CD302: variants seen among roughly 807,000 people sequenced by gnomAD.
The protein encoded by CD302 is CD302 molecule, also known as CD302 antigen.
In CD302, 23 loss-of-function variants were observed where a neutral mutation model predicts 26.5. The ratio of observed to expected loss-of-function variants is 0.87; its 90% CI spans 0.62 to 1.23. The LOEUF (loss-of-function observed/expected upper bound fraction) is 1.23. Among genes scored for constraint, CD302 ranks in the 50% most tolerant of loss-of-function variants. The pLI is 0.00. For missense variants in CD302, 290 were observed against 275.5 expected, an observed-to-expected ratio of 1.05 and a Z score of -0.37; for synonymous variants, 90 against 99.4, an observed-to-expected ratio of 0.91 and a Z score of 0.56.
At position 159,780,930 on chromosome 2, in the gene CD302, AT is replaced by A; in HGVS notation, c.246del (p.Gln82HisfsTer10). The A allele has an allele frequency of 6.2e-7, 1 of 1,613,734 alleles. No individual in the cohort carries two copies. The highest frequency in any genetic ancestry group is 8.5e-7 in the Non-Finnish European group (1 of 1,179,932). On this transcript the variant is annotated frameshift_variant, in exon 3 of 6. Transcript: ENST00000259053. LOFTEE classifies it high-confidence loss of function. ...AGTAGGATATCATCTGGGCCTTTCC[AT>A]TGCTTTTTCAAAGTATCCAGTATAA... ...NAFILDTLKK[Q>X]WKGPDDILLG... is the part of the protein sequence containing the mutation.
Position 159,780,825 on chromosome 2 carries a change from T to G in CD302, c.295+57A>C, listed in dbSNP as rs577325828. The G allele has an allele frequency of 3.3e-6, 5 of 1,493,948 alleles. No individual in the cohort carries two copies. The African/African-American group carries it at 7.0e-5, about 21-fold the overall frequency. 92.5% of individuals were successfully genotyped at this position (1,493,948 alleles called of 1,614,324 possible). On this transcript the variant is annotated intron_variant, in intron 3 of 5. Coordinates refer to ENST00000259053, the MANE Select transcript of CD302 (RefSeq NM_014880.5). ...CCAGAGAATTGAAAAGCCATCAGTTTTGCTACATTAAAAAAAGAACAACAA... is the reference window on the plus strand; with the variant it reads ...CCAGAGAATTGAAAAGCCATCAGTTGTGCTACATTAAAAAAAGAACAACAA...
intron 1 of CD302, among the ~76,000 whole-genome samples, chr2:159,786,112 C>T (rs1708657565): frequency 6.6e-6 from 1 of 152,122 alleles, no homozygotes; most frequent in Non-Finnish European, 1.5e-5. Context: ...TGCTCCTGGA[C>T]AGTGACCACT....
At chr2:159,778,142 A>T (rs1382490500) in intron 4 of CD302, among the ~76,000 whole-genome samples, 178 bp from the exon 5 acceptor site, 1 of 152,096 alleles carries the variant, frequency 6.6e-6, no homozygotes, top group African/African-American at 2.4e-5. Flanking sequence ...GTCTATTTTG[A>T]ACTTAGTTTT....
intron 5 of CD302, among the ~76,000 whole-genome samples, chr2:159,774,316 A>G (rs555524674): frequency 1.7e-4 from 26 of 152,186 alleles, no homozygotes; most frequent in African/African-American, 6.3e-4. Context: ...TGTCCAGTCA[A>G]CCAATCTGGA....
At chr2:159,772,837 G>A (rs2125790245) in intron 5 of CD302, among the ~76,000 whole-genome samples, 1 of 152,286 alleles carries the variant, frequency 6.6e-6, no homozygotes, top group East Asian at 1.9e-4. Context: ...ATTAGTGAGA[G>A]AAATTTGGCC....
intron 2 of CD302, 37 bp from the exon 3 acceptor site, chr2:159,781,035 T>C: frequency 6.5e-7 from 1 of 1,541,940 alleles, no homozygotes; most frequent in Non-Finnish European, 8.8e-7. Flanking sequence ...GTCAGCATAT[T>C]CCAGAATCAG....
chr2:159,788,658 C>G (rs1429119465), intron 1 of CD302, among the ~76,000 whole-genome samples: 1 of 152,210 alleles, frequency 6.6e-6, no homozygotes. Flanking sequence ...GCTTTTCCCC[C>G]TTCTTGCTGC....
At chr2:159,795,506 A>G (rs1009957227) in intron 1 of CD302, among the ~76,000 whole-genome samples, 2 of 152,260 alleles carry the variant, frequency 1.3e-5, no homozygotes, top group African/African-American at 4.8e-5. Context: ...AGAAGCAACA[A>G]GCAAGACAGA....
At chr2:159,778,252 G>A (rs1201308958) in intron 4 of CD302, among the ~76,000 whole-genome samples, 1 of 152,118 alleles carries the variant, frequency 6.6e-6, no homozygotes, top group Admixed American at 6.5e-5. Context: ...AAGGAAAAAA[G>A]AGGATTCTGG....
intron 4 of CD302, 42 bp from the exon 5 acceptor site, chr2:159,778,006 TTTA>T (rs763357214): frequency 3.6e-5 from 29 of 811,360 alleles, no homozygotes; most frequent in Non-Finnish European, 5.0e-5. Context: ...TTAATTATGC[TTTA>T]TTATAGGATT....
chr2:159,775,193 G>A (rs1408900908), intron 5 of CD302, among the ~76,000 whole-genome samples: 1 of 152,044 alleles, frequency 6.6e-6, no homozygotes, highest in Non-Finnish European at 1.5e-5. Flanking sequence ...CTTTTGTTTT[G>A]TTCATTGCTC....
intron 2 of CD302, 26 bp downstream of exon 2, chr2:159,783,329 AAAAC>A (rs768304691): frequency 3.8e-5 from 58 of 1,533,192 alleles, no homozygotes; most frequent in Middle Eastern, 1.7e-4. Flanking sequence ...AATTTGTGAA[AAAAC>A]AAACAGAAAA....
chr2:159,786,083 C>T (rs1258509741), intron 1 of CD302, among the ~76,000 whole-genome samples: 3 of 152,144 alleles, frequency 2.0e-5, no homozygotes, highest in Admixed American at 6.5e-5. Flanking sequence ...TTTTTACAGA[C>T]ATCATCATTG....
rs1708039646 is a variant in CD302 at position 159,768,908 on chromosome 2, C to CAT, written c.*2941_*2942dup. 6.6e-6 allele frequency: 1 copy of CAT among 152,126 alleles called. No individual in the cohort carries two copies. The highest frequency in any genetic ancestry group is 6.5e-5 in the Admixed American group (1 of 15,270). The allele number at this position is 152,126 out of a possible 1,614,324, so 9.4% of individuals were successfully genotyped here. A position where few individuals can be genotyped will look rare whatever the true frequency, so the allele number is the denominator to read the frequency against. ...ATTTAACTAGATGGTACAAAACATT[C>CAT]ATTGGTATGCACATAATTCTGTATA... On this transcript the variant is annotated 3_prime_UTR_variant, in exon 6 of 6. Transcript: ENST00000259053.
intron 1 of CD302, among the ~76,000 whole-genome samples, chr2:159,785,975 TA>T (rs1294307317): frequency 6.6e-6 from 1 of 152,164 alleles, no homozygotes; most frequent in Non-Finnish European, 1.5e-5. Flanking sequence ...AAAAGGGAGA[TA>T]ACATCTACCT....
intron 1 of CD302, among the ~76,000 whole-genome samples, chr2:159,788,865 G>T (rs139066572): frequency 3.1e-4 from 47 of 152,106 alleles, no homozygotes; most frequent in African/African-American, 1.1e-3. Flanking sequence ...TTCCCTTTCT[G>T]GGACCAAAAT....
chr2:159,776,205 T>C (rs908337621), intron 5 of CD302, among the ~76,000 whole-genome samples: 3 of 151,984 alleles, frequency 2.0e-5, no homozygotes, highest in Non-Finnish European at 4.4e-5. Context: ...ATGCATGTTG[T>C]AGCACGTGTC....
At position 159,779,989 on chromosome 2, in the gene CD302, C is replaced by T; in HGVS notation, c.469+16G>A. 6.2e-7 allele frequency: 1 copy of T among 1,604,286 alleles called. No individual in the cohort carries two copies. Among genetic ancestry groups the T allele is most frequent in the Non-Finnish European group, 8.5e-7 (1 of 1,175,018 alleles). On this transcript the variant is annotated intron_variant, in intron 4 of 5. Transcript: ENST00000259053. ...TGCCCCTTCTAGAATGGAAAAACAC[C>T]TTCGGTCATACTTACTAGCTGTTTT...
Position 159,769,839 on chromosome 2 carries a change from A to G in CD302, c.*2012T>C, listed in dbSNP as rs369905090. 6 of 152,238 alleles carry G rather than the reference A, an allele frequency of 3.9e-5. No homozygotes were observed. Among genetic ancestry groups the G allele is most frequent in the African/African-American group, 1.4e-4 (6 of 41,470 alleles). 9.4% of individuals were successfully genotyped at this position (152,238 alleles called of 1,614,324 possible). A position where few individuals can be genotyped will look rare whatever the true frequency, so the allele number is the denominator to read the frequency against. On this transcript the variant is annotated 3_prime_UTR_variant, in exon 6 of 6. Coordinates refer to ENST00000259053, the MANE Select transcript of CD302 (RefSeq NM_014880.5). ...TAGGATTTAAGAGCAGCACTGCCCA[A>G]TAAAACTTCCTATAATGAAAATGTT...
Sources: allele counts gnomAD v4.1 joint callset (sites outside exome capture counted in the v4.1 genomes callset), GRCh38; gene constraint gnomAD v4.1.1; transcripts MANE v1.5; gene names NCBI Gene and HGNC (gene_info 2026-07-23, HGNC 2026-07-21).